The following TSSK4 variants were observed in gnomAD, a reference collection of about 807,000 sequenced individuals.
TSSK4 encodes the protein testis specific serine kinase 4.
In TSSK4, 22 loss-of-function variants were observed where a neutral mutation model predicts 28.5. The ratio of observed to expected loss-of-function variants is 0.77; its 90% confidence interval spans 0.55 to 1.10. The LOEUF (loss-of-function observed/expected upper bound fraction) is 1.10, where lower values mean the gene tolerates loss of function less well. TSSK4 is among the 50% of genes least tolerant of loss of function. The pLI, the probability that TSSK4 is intolerant of heterozygous loss-of-function variation, is 0.00. For synonymous variants in TSSK4, 151 were observed against 158.3 expected (o/e 0.95, Z 0.35); for missense variants, 329 against 415.4 (o/e 0.79, Z 1.81).
At position 24,207,408 on chromosome 14, in the gene TSSK4, G is replaced by T; in HGVS notation, c.733G>T (p.Ala245Ser). The change falls in exon 3 of 4, where the codon GCC (alanine) becomes TCC (serine). Residue 245 changes from alanine to serine, a missense_variant. Transcript: ENST00000339917. ...MGVILYTLVV[A>S]HLPFDDTNLK... is the part of the protein sequence containing the mutation. ...CGTCATCCTTTACACTCTAGTGGTC[G>T]CCCATCTGCCCTTTGATGACACCAA... The T allele has an allele frequency of 6.2e-7, 1 of 1,614,066 alleles. No homozygotes were observed. Among genetic ancestry groups the T allele is most frequent in the South Asian group, 1.1e-5 (1 of 91,078 alleles).
At chr14:24,207,555 G>C (rs1566657321) in intron 3 of TSSK4, 46 bp downstream of exon 3, 1 of 1,544,560 alleles carries the variant, frequency 6.5e-7, no homozygotes, top group Non-Finnish European at 8.7e-7. Context: ...ATGACCCACA[G>C]GGAGGGGTGA....
intron 2 of TSSK4, 41 bp from the exon 3 acceptor site, chr14:24,207,075 G>T: frequency 6.3e-7 from 1 of 1,599,742 alleles, no homozygotes; most frequent in Non-Finnish European, 8.5e-7. Context: ...TCTGACCCCT[G>T]GCCCTTCAGC....
chr14:24,206,773 A>AT lies in TSSK4; in HGVS notation c.440+51dup, dbSNP rs1385083813. On this transcript the variant is annotated intron_variant, in intron 2 of 3. Coordinates refer to ENST00000339917, the MANE Select transcript of TSSK4 (RefSeq NM_001184739.2). ...GGGCCTTTGCCCTCAAGGGGGTTTTATGCACATCTCCCATTTCCTGTCCTT... is the reference window on the plus strand; with the variant it reads ...GGGCCTTTGCCCTCAAGGGGGTTTTATTGCACATCTCCCATTTCCTGTCCTT... 8 of 1,590,816 alleles carry AT rather than the reference A, an allele frequency of 5.0e-6. No individual in the cohort carries two copies. The South Asian group carries it at 6.7e-5, about 13-fold the overall frequency.
At position 24,208,016 on chromosome 14, in the gene TSSK4, ACAT is replaced by A. The variant is rs747958184; in HGVS notation, c.893_895del (p.Ile298del). The A allele has an allele frequency of 6.2e-7, 1 of 1,614,240 alleles. No homozygotes were observed. The highest frequency in any genetic ancestry group is 8.5e-7 in the Non-Finnish European group (1 of 1,180,040). ...GCCACTAAGCGTGCCACCATTCTGG[ACAT>A]CATCAAGGATTCCTGGGTGCTCAAG... On this transcript the variant is annotated inframe_deletion, in exon 4 of 4. Transcript: ENST00000339917.
rs768089478 is a variant in TSSK4 at position 24,207,477 on chromosome 14, C to T, written c.802C>T (p.Pro268Ser). 26 of 1,612,812 alleles carry T rather than the reference C, an allele frequency of 1.6e-5. No homozygotes were observed. The highest frequency in any genetic ancestry group is 2.1e-5 in the Non-Finnish European group (25 of 1,179,392). The part of the protein sequence containing the change: ...LRETQKEVTF[P>S]ANHTISQECK... The stretch of plus-strand genomic sequence containing the variant: ...AGAGACTCAGAAGGAGGTCACTTTC[C>T]CAGCTAACCATACCATCTCCCAGGA... Residue 268 changes from proline (P) to serine (S), a missense_variant, in exon 3 of 4, where the codon CCA (proline) becomes TCA (serine). Physicochemically the swap from Pro to Ser is moderately conservative, Grantham distance 74 (BLOSUM62 -1). Around this residue, in one of 3 missense-constraint regions of TSSK4, gnomAD observed 139 missense variants for 178.1 expected, o/e 0.78. Coordinates refer to ENST00000339917, the MANE Select transcript of TSSK4 (RefSeq NM_001184739.2).
rs535070726 is a variant in TSSK4 at position 24,206,715 on chromosome 14, C to T, written c.432C>T (p.Ile144=). Residue 144 remains isoleucine, a synonymous_variant, in exon 2 of 4, where the codon ATC becomes ATT. Transcript: ENST00000339917. ...LGIAYLHSKS[I]VHRLMPSLSA... ...TTGCCTACCTGCACAGCAAGAGCAT[C>T]GTGCACCGGTGAGGGCGCTGCCACC... 4.1e-5 allele frequency: 66 copies of T among 1,613,580 alleles called. No individual in the cohort carries two copies. The highest frequency in any genetic ancestry group is 4.6e-5 in the Non-Finnish European group (54 of 1,179,996).
At chr14:24,206,382 G>C (rs2039516642) in intron 1 of TSSK4, 127 bp from the exon 2 acceptor site, 2 of 1,080,912 alleles carry the variant, frequency 1.9e-6, no homozygotes, top group Admixed American at 2.1e-5. Context: ...CAGGCCACCA[G>C]TTCTCTGGGG....
Position 24,206,184 on chromosome 14 carries a change from G to T in TSSK4, c.225+36G>T, listed in dbSNP as rs996736084. ...GGGCTGGAAGAGGGAACTGGAGCTT[G>T]GTACTAAGCTGCTTGAGGTTTCTCA... On this transcript the variant is annotated intron_variant, in intron 1 of 3. Coordinates refer to ENST00000339917, the MANE Select transcript of TSSK4 (RefSeq NM_001184739.2). 3.8e-6 allele frequency: 6 copies of T among 1,590,250 alleles called. No homozygotes were observed. The African/African-American group carries it at 8.1e-5, about 21-fold the overall frequency.
chr14:24,207,201 G>T lies in TSSK4; in HGVS notation c.526G>T (p.Asp176Tyr), dbSNP rs1406652951. The change falls in exon 3 of 4, where the codon GAC (aspartate) becomes TAC (tyrosine). Residue 176 changes from aspartate (D) to tyrosine (Y), a missense_variant. Physicochemically the swap from Asp to Tyr is radical, Grantham distance 160. This residue lies in a region of TSSK4 where 15 missense variants were observed against 41.2 expected (regional missense o/e 0.36). Transcript: ENST00000339917. ...CAAGTGGGAGAATGTGAAGATATCA[G>T]ACTTTGGCTTTGCCAAGATGGTGCC... Reference protein sequence around the residue: ...LDKWENVKISDFGFAKMVPSN... With the variant: ...LDKWENVKISYFGFAKMVPSN... 6.2e-7 allele frequency: 1 copy of T among 1,614,152 alleles called. No homozygotes were observed. Among genetic ancestry groups the T allele is most frequent in the South Asian group, 1.1e-5 (1 of 91,086 alleles).
rs1336305211 is a variant in TSSK4, at chr14:24,205,959, C to T, written c.36C>T (p.Thr12=). The T allele has an allele frequency of 1.2e-6, 2 of 1,614,156 alleles. No individual in the cohort carries two copies. Among genetic ancestry groups the T allele is most frequent in the Non-Finnish European group, 1.7e-6 (2 of 1,180,040 alleles). The change falls in exon 1 of 4, where the codon ACC becomes ACT. Residue 12 remains threonine (T), a synonymous_variant. Transcript: ENST00000339917. The part of the protein sequence containing the change: ...GKGDVLEAAP[T]TTAYHSLMDE... ...GAGATGTCTTAGAGGCAGCACCAAC[C>T]ACCACAGCCTACCATTCCCTCATGG...
At position 24,207,909 on chromosome 14, in the gene TSSK4, C is replaced by G. The variant is rs1322881904; in HGVS notation, c.835-55C>G. 9 of 1,613,130 alleles carry G rather than the reference C, an allele frequency of 5.6e-6. No individual in the cohort carries two copies. In the South Asian group the frequency reaches 9.9e-5, roughly 18 times the overall value. ...TTTCTTAGGTCCAACTGCTCATTGC[C>G]TGTGTGGCACAATGGAGAAAAACTC... On this transcript the variant is annotated intron_variant, in intron 3 of 3. Transcript: ENST00000339917.
chr14:24,207,070 C>A lies in TSSK4; in HGVS notation c.441-46C>A, dbSNP rs766996874. The A allele has an allele frequency of 2.5e-6, 4 of 1,599,346 alleles. No individual in the cohort carries two copies. The African/African-American group carries it at 4.0e-5, about 16-fold the overall frequency. ...CTCTGTCCTCATCTTTACCCTCTGA[C>A]CCCTGGCCCTTCAGCTCCCAGTCTA... On this transcript the variant is annotated intron_variant, in intron 2 of 3. Transcript: ENST00000339917.
rs777211997 is a variant in TSSK4, at chr14:24,207,247, G to A, written c.572G>A (p.Cys191Tyr). The change falls in exon 3 of 4, where the codon TGT becomes TAT. Residue 191 changes from cysteine (C) to tyrosine (Y), a missense_variant. Physicochemically the swap from Cys to Tyr is radical, Grantham distance 194. This residue lies in a region of TSSK4 where 15 missense variants were observed against 41.2 expected (regional missense o/e 0.36). Coordinates refer to ENST00000339917, the MANE Select transcript of TSSK4 (RefSeq NM_001184739.2). ...GTGCCTTCTAACCAGCCTGTGGGTT[G>A]TAGCCCTTCTTACCGCCAAGTGAAC... ...KMVPSNQPVG[C>Y]SPSYRQVNCF... The A allele has an allele frequency of 6.2e-7, 1 of 1,614,204 alleles. No individual in the cohort carries two copies. The highest frequency in any genetic ancestry group is 8.5e-7 in the Non-Finnish European group (1 of 1,180,030).
At position 24,208,175 on chromosome 14, in the gene TSSK4, G is replaced by A. The variant is rs1429402800; in HGVS notation, c.*29G>A. 6.4e-7 allele frequency: 1 copy of A among 1,559,402 alleles called. No homozygotes were observed. The highest frequency in any genetic ancestry group is 1.2e-5 in the South Asian group (1 of 84,582). On this transcript the variant is annotated 3_prime_UTR_variant, in exon 4 of 4. Transcript: ENST00000339917. ...TGGCTGAGGGAGGGGGCTAAGAGAG[G>A]AGCAAAGCAGGAGGTCTTGGGCTAA... is the stretch of plus-strand genomic sequence containing the variant.
chr14:24,207,970 A>G lies in TSSK4; in HGVS notation c.841A>G (p.Ile281Val), dbSNP rs1040520112. Residue 281 changes from isoleucine to valine, a missense_variant, in exon 4 of 4, where the codon ATC becomes GTC. Coordinates refer to ENST00000339917, the MANE Select transcript of TSSK4 (RefSeq NM_001184739.2). ...HTISQECKNL[I>V]LQMLRQATKR... ...TCTCTCTCCCCTGCTCTAGAACCTG[A>G]TCCTCCAGATGCTACGCCAAGCCAC... 2 of 1,613,968 alleles carry G rather than the reference A, an allele frequency of 1.2e-6. No individual in the cohort carries two copies. Among genetic ancestry groups the G allele is most frequent in the African/African-American group, 2.7e-5 (2 of 74,906 alleles).
At position 24,208,131 on chromosome 14, in the gene TSSK4, G is replaced by A; in HGVS notation, c.1002G>A (p.Leu334=). The change falls in exon 4 of 4, where the codon TTG becomes TTA. Residue 334 remains leucine, a synonymous_variant. Coordinates refer to ENST00000339917, the MANE Select transcript of TSSK4 (RefSeq NM_001184739.2). The part of the protein sequence containing the change: ...LHNTTKQHQS[L]QITT The stretch of plus-strand genomic sequence containing the variant: ...ACACCACTAAACAGCACCAATCCTT[G>A]CAAATTACGACCTGAAAATGGCTGA... 6.2e-7 allele frequency: 1 copy of A among 1,601,836 alleles called. No homozygotes were observed. Among genetic ancestry groups the A allele is most frequent in the Non-Finnish European group, 8.5e-7 (1 of 1,170,710 alleles).
At chr14:24,206,226 G>A in intron 1 of TSSK4, 78 bp downstream of exon 1, 1 of 1,387,332 alleles carries the variant, frequency 7.2e-7, no homozygotes, top group East Asian at 2.3e-5. Context: ...GTATGGCCAG[G>A]AGGGGTGGGG....
At chr14:24,206,468 T>TAA (rs780866608) in intron 1 of TSSK4, 41 bp from the exon 2 acceptor site, 1 of 1,606,410 alleles carries the variant, frequency 6.2e-7, no homozygotes, top group East Asian at 2.2e-5. Context: ...CAGTCAGGGT[T>TAA]CTCCCTTCCC....
In TSSK4 at chr14:24,205,895, A is replaced by C. The variant is rs202237071; in HGVS notation, c.-29A>C. 32 of 1,592,350 alleles carry C rather than the reference A, an allele frequency of 2.0e-5. 1 individual carries two copies. In the East Asian group the frequency reaches 2.7e-4, roughly 13 times the overall value. On this transcript the variant is annotated 5_prime_UTR_variant, in exon 1 of 4. Coordinates refer to ENST00000339917, the MANE Select transcript of TSSK4 (RefSeq NM_001184739.2). ...TGGATAGGAGGCTTCCAAGTAGTAA[A>C]GCTCCCTGCTCTCAGCAAGCCCAAC...
Sources: gnomAD v4.1 joint callset for allele counts on GRCh38, gnomAD v4.1.1 for gene constraint, gnomAD v4.1.1 regional missense constraint, MANE v1.5 for transcripts, NCBI Gene and HGNC (gene_info 2026-07-23, HGNC 2026-07-21) for gene names.